Variants in FRK observed in about 807,000 individuals in gnomAD.
FRK encodes tyrosine-protein kinase FRK.
FRK carries 51 observed loss-of-function variants against 56.4 expected under a neutral mutation model. That is an observed-to-expected ratio of 0.90 (90% CI 0.72 to 1.14). FRK has a LOEUF of 1.14. Ranked by LOEUF, FRK falls within the 50% of genes most tolerant of loss-of-function variation. FRK has a pLI of 0.00. For synonymous variants in FRK, 245 were observed against 217.9 expected (o/e 1.12, Z -1.10); for missense variants, 570 against 601.4 (o/e 0.95, Z 0.55).
the FRK span, among the ~76,000 whole-genome samples, chr6:116,092,089 C>A: frequency 6.6e-6 from 1 of 152,148 alleles, no homozygotes; most frequent in Non-Finnish European, 1.5e-5. Context: ...CTAGTTTCTC[C>A]TATAAGAATG....
chr6:116,030,561 G>T (rs12196579), intron 1 of FRK, among the ~76,000 whole-genome samples: 55,507 of 151,778 alleles, frequency 0.37, 10,613 homozygotes, highest in Middle Eastern at 0.49. Flanking sequence ...GAGGAGGGAA[G>T]AGCTGGAGAT....
chr6:115,942,277 A>T lies in FRK; in HGVS notation c.*137T>A. The T allele has an allele frequency of 1.4e-6, 1 of 702,960 alleles. No individual in the cohort carries two copies. Among genetic ancestry groups the T allele is most frequent in the African/African-American group, 1.8e-5 (1 of 55,924 alleles). The allele number at this position is 702,960 out of a possible 1,614,324, so 43.5% of individuals were successfully genotyped here. A position where few individuals can be genotyped will look rare whatever the true frequency, so the allele number is the denominator to read the frequency against. ...AAATGCACAAATAATCTTTTTCATA[A>T]TACATGGCCAACTTTATCCTATCAC... On this transcript the variant is annotated 3_prime_UTR_variant, in exon 8 of 8. Transcript: ENST00000606080.
At chr6:115,942,932 T>C (rs1434979035) in intron 7 of FRK, 88 bp downstream of exon 7, 2 of 1,298,254 alleles carry the variant, frequency 1.5e-6, no homozygotes, top group Non-Finnish European at 2.1e-6. Flanking sequence ...CTCATAACTC[T>C]GCCCTCTAAG....
chr6:116,066,433 A>ATGTG, the FRK span, among the ~76,000 whole-genome samples: 26 of 150,694 alleles, frequency 1.7e-4, 1 homozygote, highest in South Asian at 3.8e-3. Flanking sequence ...ATATATATAT[A>ATGTG]TGTGTGTGTG....
chr6:115,960,403 G>A (rs1404205785), intron 4 of FRK, among the ~76,000 whole-genome samples: 2 of 150,654 alleles, frequency 1.3e-5, no homozygotes, highest in African/African-American at 4.8e-5. Context: ...TACGCCCACG[G>A]AATCTCGCTG....
At chr6:116,084,132 C>T in the FRK span, among the ~76,000 whole-genome samples, 2 of 152,010 alleles carry the variant, frequency 1.3e-5, no homozygotes, top group Non-Finnish European at 1.5e-5. Flanking sequence ...ATATGATTAC[C>T]CACTAGCACT....
At chr6:115,982,676 C>G (rs2114640699) in intron 2 of FRK, among the ~76,000 whole-genome samples, 1 of 152,184 alleles carries the variant, frequency 6.6e-6, no homozygotes, top group East Asian at 1.9e-4. Flanking sequence ...TCCTATCCAT[C>G]ACTATTCCTA....
chr6:115,944,532 A>G (rs569497183), intron 5 of FRK, 107 bp from the exon 6 acceptor site: 1 of 782,126 alleles, frequency 1.3e-6, no homozygotes, highest in African/African-American at 1.8e-5. Context: ...ATTAAGTACA[A>G]TGGCACTGAT....
Position 115,967,665 on chromosome 6 carries a change from T to G in FRK, c.685A>C (p.Ile229Leu). 6.2e-7 allele frequency: 1 copy of G among 1,613,388 alleles called. No individual in the cohort carries two copies. Among genetic ancestry groups the G allele is most frequent in the Non-Finnish European group, 8.5e-7 (1 of 1,179,640 alleles). ...AGAAGCTGTATGGAGTTGCGGTCTA[T>G]CTCCCATTGGTCCACGGTTTTATAC... ...LSYKTVDQWE[I>L]DRNSIQLLKR... Residue 229 changes from isoleucine (I) to leucine (L), a missense_variant, in exon 4 of 8, where the codon ATA becomes CTA. Coordinates refer to ENST00000606080, the MANE Select transcript of FRK (RefSeq NM_002031.3).
At chr6:116,041,417 G>A (rs1776706774) in intron 1 of FRK, among the ~76,000 whole-genome samples, 1 of 152,162 alleles carries the variant, frequency 6.6e-6, no homozygotes, top group Non-Finnish European at 1.5e-5. Flanking sequence ...TTGTTCTTGT[G>A]TATAAAAGAT....
chr6:116,061,689 C>T (rs376807245), upstream of FRK, among the ~76,000 whole-genome samples: 1 of 152,098 alleles, frequency 6.6e-6, no homozygotes, highest in East Asian at 1.9e-4. Context: ...CAAAAACAGC[C>T]GGGCAATGAG....
intron 1 of FRK, among the ~76,000 whole-genome samples, chr6:116,017,173 C>A (rs1293733155): frequency 6.6e-6 from 1 of 152,126 alleles, no homozygotes; most frequent in African/African-American, 2.4e-5. Context: ...CACCTCCCTA[C>A]CTCCCAACAC....
intron 2 of FRK, among the ~76,000 whole-genome samples, chr6:115,982,537 A>C (rs1774237449): frequency 6.6e-6 from 1 of 152,218 alleles, no homozygotes; most frequent in Admixed American, 6.5e-5. Context: ...GTAACATACA[A>C]GTAAACACTT....
chr6:116,058,189 C>T (rs1295084787), intron 1 of FRK, among the ~76,000 whole-genome samples: 2 of 152,062 alleles, frequency 1.3e-5, no homozygotes, highest in East Asian at 3.8e-4. Context: ...TAATGCCATA[C>T]AGGACATAGA....
At chr6:115,977,076 CA>C (rs1381828112) in intron 2 of FRK, among the ~76,000 whole-genome samples, 1 of 152,070 alleles carries the variant, frequency 6.6e-6, no homozygotes, top group East Asian at 1.9e-4. Flanking sequence ...AAAACCATTA[CA>C]AAGACAACCA....
intron 1 of FRK, among the ~76,000 whole-genome samples, chr6:116,036,520 T>G (rs1163096945): frequency 6.6e-6 from 1 of 152,154 alleles, no homozygotes; most frequent in Non-Finnish European, 1.5e-5. Context: ...TGTACAAAAT[T>G]GAATCACCCA....
intron 1 of FRK, among the ~76,000 whole-genome samples, chr6:116,033,081 G>A (rs747878572): frequency 6.6e-6 from 1 of 151,900 alleles, no homozygotes; most frequent in Non-Finnish European, 1.5e-5. Context: ...GTCCCTTCTT[G>A]CACTCAGCAT....
Position 115,940,375 on chromosome 6 carries a change from C to T in FRK, c.*2039G>A, listed in dbSNP as rs558621669. On this transcript the variant is annotated 3_prime_UTR_variant, in exon 8 of 8. Transcript: ENST00000606080. Reference sequence around the variant, plus strand: ...ATGTAAGACCTAAAACCATAAAAACCCTAGAAGAAAACCTAGGCAACACCA... The same window carrying T: ...ATGTAAGACCTAAAACCATAAAAACTCTAGAAGAAAACCTAGGCAACACCA... The T allele has an allele frequency of 4.6e-5, 7 of 152,170 alleles. No homozygotes were observed. Among genetic ancestry groups the T allele is most frequent in the African/African-American group, 1.4e-4 (6 of 41,510 alleles). 9.4% of individuals were successfully genotyped at this position (152,170 alleles called of 1,614,324 possible). A position where few individuals can be genotyped will look rare whatever the true frequency, so the allele number is the denominator to read the frequency against.
the FRK span, among the ~76,000 whole-genome samples, chr6:116,088,002 A>G: frequency 4.6e-5 from 7 of 152,290 alleles, no homozygotes; most frequent in Non-Finnish European, 2.9e-5. Context: ...ATAACCCTCA[A>G]TCATGACAAC....
Sources: allele counts gnomAD v4.1 joint callset (sites outside exome capture counted in the v4.1 genomes callset), GRCh38; gene constraint gnomAD v4.1.1; transcripts MANE v1.5; gene names NCBI Gene and HGNC (gene_info 2026-07-23, HGNC 2026-07-21).